CXCL13: variants seen among roughly 807,000 people sequenced by gnomAD.
The protein encoded by CXCL13 is C-X-C motif chemokine 13.
In CXCL13, 7 loss-of-function variants were observed where a neutral mutation model predicts 12.2. That is an observed-to-expected ratio of 0.57 (90% CI 0.33 to 1.07). The LOEUF is 1.07. Among genes scored for constraint, CXCL13 ranks in the 50% least tolerant of loss-of-function variants. The pLI is 0.04. For synonymous variants in CXCL13, 47 were observed against 42.4 expected (o/e 1.11, Z -0.42); for missense variants, 113 against 127.4 (o/e 0.89, Z 0.55).
chr4:77,578,939 T>C (rs1031248184), intron 1 of CXCL13, among the ~76,000 whole-genome samples: 13 of 152,246 alleles, frequency 8.5e-5, no homozygotes, highest in Non-Finnish European at 1.3e-4. Context: ...CAGTAAGATG[T>C]AAGCAGAAGT....
chr4:77,552,541 T>A (rs967695230), intron 1 of CXCL13, among the ~76,000 whole-genome samples: 2 of 152,144 alleles, frequency 1.3e-5, no homozygotes, highest in Admixed American at 1.3e-4. Flanking sequence ...ATTTATGGGG[T>A]TCACAGTGGT....
rs115425507 is a variant in CXCL13, at chr4:77,567,599, T to A, written c.-42-38225T>A. ...GTACAGGTCAGAAAGAACCCTCTGA[T>A]AAAACAAGATGCAGTAAAAAAAGCT... is the stretch of plus-strand genomic sequence containing the variant. On this transcript the variant is annotated intron_variant, in intron 1 of 4. Coordinates refer to the CXCL13 transcript ENST00000286758. Among the ~76,000 whole-genome samples the A allele has an allele frequency of 4.6e-3, 697 of 152,174 alleles. 5 individuals carry two copies. The highest frequency in any genetic ancestry group is 0.015 in the African/African-American group (638 of 41,528).
At chr4:77,528,960 G>A (rs575769547) in intron 1 of CXCL13, among the ~76,000 whole-genome samples, 1 of 152,170 alleles carries the variant, frequency 6.6e-6, no homozygotes, top group Non-Finnish European at 1.5e-5. Context: ...TTTGTATAAG[G>A]TGTAAGGAAG....
chr4:77,559,093 A>G (rs1725733933), intron 1 of CXCL13, among the ~76,000 whole-genome samples: 1 of 152,206 alleles, frequency 6.6e-6, no homozygotes, highest in African/African-American at 2.4e-5. Context: ...TTTAACAACT[A>G]AACAACCATC....
chr4:77,531,283 C>T (rs867400408), intron 1 of CXCL13, among the ~76,000 whole-genome samples: 76 of 104,276 alleles, frequency 7.3e-4, no homozygotes, highest in Middle Eastern at 6.6e-3. Context: ...CCTCCCCCCA[C>T]CCCACTACAG....
intron 1 of CXCL13, among the ~76,000 whole-genome samples, chr4:77,599,573 C>T (rs1726848182): frequency 6.6e-6 from 1 of 152,172 alleles, no homozygotes; most frequent in African/African-American, 2.4e-5. Flanking sequence ...AGATATTCAA[C>T]CTGTGAACTT....
chr4:77,605,989 A>G lies in CXCL13; in HGVS notation c.64+60A>G, dbSNP rs2270858. On this transcript the variant is annotated intron_variant, in intron 1 of 3. Transcript: ENST00000682537. ...AACAGAAATAGTCTTTAACCACTTC[A>G]ATTTTCTTTCGATTAAAAACCGCAG... is the stretch of plus-strand genomic sequence containing the variant. 2.4e-6 allele frequency: 3 copies of G among 1,251,016 alleles called. No homozygotes were observed. The East Asian group carries it at 7.4e-5, about 31-fold the overall frequency. The allele number at this position is 1,251,016 out of a possible 1,614,324, so 77.5% of individuals were successfully genotyped here. A position where few individuals can be genotyped will look rare whatever the true frequency, so the allele number is the denominator to read the frequency against.
intron 1 of CXCL13, among the ~76,000 whole-genome samples, chr4:77,596,582 A>T (rs183061): frequency 6.6e-5 from 10 of 151,730 alleles, no homozygotes; most frequent in African/African-American, 2.4e-4. Flanking sequence ...GTCAGGAGTT[A>T]GAGACCAGCC....
chr4:77,608,215 C>T (rs1240573152), intron 2 of CXCL13, among the ~76,000 whole-genome samples: 10 of 152,104 alleles, frequency 6.6e-5, no homozygotes, highest in East Asian at 3.9e-4. Context: ...CCGAGGAGGG[C>T]GGATCACCTG....
intron 1 of CXCL13, among the ~76,000 whole-genome samples, chr4:77,556,981 C>T (rs1266046690): frequency 6.6e-6 from 1 of 152,024 alleles, no homozygotes; most frequent in African/African-American, 2.4e-5. Flanking sequence ...CGTGCCACTG[C>T]CCTCCAGCCT....
intron 1 of CXCL13, among the ~76,000 whole-genome samples, chr4:77,535,174 CT>C (rs1560518153): frequency 6.6e-6 from 1 of 152,148 alleles, no homozygotes; most frequent in Non-Finnish European, 1.5e-5. Context: ...ATTCAGATCT[CT>C]TTTTTAGAAA....
chr4:77,542,663 C>T (rs1324761534), intron 1 of CXCL13, among the ~76,000 whole-genome samples: 2 of 152,138 alleles, frequency 1.3e-5, no homozygotes, highest in African/African-American at 2.4e-5. Context: ...TGGTGAATCA[C>T]ATTTATTGAT....
At chr4:77,567,547 G>A (rs906305960) in intron 1 of CXCL13, among the ~76,000 whole-genome samples, 2 of 152,162 alleles carry the variant, frequency 1.3e-5, no homozygotes, top group Non-Finnish European at 2.9e-5. Context: ...GGTCAAGACA[G>A]GAGTTTGGCA....
At chr4:77,540,106 GATTA>G (rs1560519675) in intron 1 of CXCL13, among the ~76,000 whole-genome samples, 1 of 152,076 alleles carries the variant, frequency 6.6e-6, no homozygotes, top group East Asian at 1.9e-4. Context: ...ATTATAGATT[GATTA>G]TCTCTGTTAA....
chr4:77,535,183 A>G (rs1166825570), intron 1 of CXCL13, among the ~76,000 whole-genome samples: 1 of 152,196 alleles, frequency 6.6e-6, no homozygotes, highest in Non-Finnish European at 1.5e-5. Context: ...TCTTTTTTAG[A>G]AACTGGGGGA....
At chr4:77,592,866 C>T (rs1371048846) in intron 1 of CXCL13, among the ~76,000 whole-genome samples, 1 of 152,156 alleles carries the variant, frequency 6.6e-6, no homozygotes, top group Non-Finnish European at 1.5e-5. Context: ...AATGGGGCCT[C>T]ATTGTCCCTC....
intron 2 of CXCL13, 115 bp downstream of exon 2, chr4:77,607,950 A>C: frequency 7.7e-6 from 8 of 1,040,024 alleles, no homozygotes; most frequent in Non-Finnish European, 1.1e-5. Flanking sequence ...GAGTGTTGCT[A>C]AAAATTCTCA....
intron 1 of CXCL13, among the ~76,000 whole-genome samples, chr4:77,599,242 C>T (rs1343126125): frequency 1.3e-5 from 2 of 152,156 alleles, no homozygotes; most frequent in African/African-American, 2.4e-5. Flanking sequence ...TTGCAAGACT[C>T]CCGTGTATAC....
chr4:77,562,221 C>T (rs1193103123), intron 1 of CXCL13, among the ~76,000 whole-genome samples: 1 of 148,388 alleles, frequency 6.7e-6, no homozygotes, highest in Non-Finnish European at 1.5e-5. Context: ...CCACCCCAAC[C>T]CCCACCCCAC....
Sources: gnomAD v4.1 joint callset for allele counts (sites outside exome capture counted in the v4.1 genomes callset) on GRCh38, gnomAD v4.1.1 for gene constraint, MANE v1.5 for transcripts, NCBI Gene and HGNC (gene_info 2026-07-23, HGNC 2026-07-21) for gene names.